The following PAK2 variants were observed in gnomAD, a reference collection of about 807,000 sequenced individuals.
The protein encoded by PAK2 is p21 (RAC1) activated kinase 2.
PAK2 carries 21 observed loss-of-function variants against 65.9 expected under a neutral mutation model. That is an observed-to-expected ratio of 0.32 (90% confidence interval 0.23 to 0.46). The LOEUF is 0.46. Ranked by LOEUF, PAK2 falls within the 20% of genes least tolerant of loss-of-function variation. PAK2 has a pLI of 1.00. For synonymous variants in PAK2, 204 were observed against 219.7 expected, an observed-to-expected ratio of 0.93 and a Z score of 0.63; for missense variants, 324 against 642.6, an observed-to-expected ratio of 0.50 and a Z score of 5.36.
At chr3:196,813,680 G>A (rs920705337) in intron 10 of PAK2, among the ~76,000 whole-genome samples, 8 of 151,892 alleles carry the variant, frequency 5.3e-5, no homozygotes, top group East Asian at 1.9e-4. Flanking sequence ...GGCTAGGCAC[G>A]GTAGCTCACG....
intron 1 of PAK2, among the ~76,000 whole-genome samples, chr3:196,744,991 TAGA>T (rs1713326077): frequency 1.3e-5 from 2 of 152,154 alleles, no homozygotes; most frequent in Non-Finnish European, 2.9e-5. Flanking sequence ...TATTGAGTTG[TAGA>T]AGCTCTTCAC....
intron 1 of PAK2, among the ~76,000 whole-genome samples, chr3:196,770,497 C>T (rs1375544498): frequency 6.6e-6 from 1 of 151,848 alleles, no homozygotes; most frequent in Non-Finnish European, 1.5e-5. Context: ...TGAGTAGCCA[C>T]TGTGCTCCAG....
chr3:196,740,719 A>G (rs1713162234), intron 1 of PAK2, among the ~76,000 whole-genome samples: 1 of 152,124 alleles, frequency 6.6e-6, no homozygotes. Context: ...CTTGAGGGCC[A>G]CCGCTTACGA....
intron 8 of PAK2, 92 bp downstream of exon 8, chr3:196,810,745 T>C (rs1715750907): frequency 1.4e-6 from 1 of 737,816 alleles, no homozygotes. Flanking sequence ...CGACATCAAG[T>C]ACTTATATAG....
At chr3:196,821,928 G>A (rs1288213311) in intron 13 of PAK2, among the ~76,000 whole-genome samples, 3 of 152,202 alleles carry the variant, frequency 2.0e-5, no homozygotes, top group Admixed American at 1.3e-4. Context: ...CTGGTGAACA[G>A]TGGAATATTA....
At chr3:196,743,688 ATTCTTTAGTAGAG>A (rs1370870514) in intron 1 of PAK2, among the ~76,000 whole-genome samples, 1 of 152,082 alleles carries the variant, frequency 6.6e-6, no homozygotes, top group African/African-American at 2.4e-5. Context: ...ATTCTCTACT[ATTCTTTAGTAGAG>A]AATTTAGTAT....
At chr3:196,767,462 A>G (rs1348676892) in intron 1 of PAK2, among the ~76,000 whole-genome samples, 1 of 152,104 alleles carries the variant, frequency 6.6e-6, no homozygotes, top group Non-Finnish European at 1.5e-5. Context: ...AAGGCGAGCA[A>G]TTTATAATGA....
At chr3:196,777,856 T>G (rs1050094109) in intron 1 of PAK2, among the ~76,000 whole-genome samples, 2 of 152,252 alleles carry the variant, frequency 1.3e-5, no homozygotes, top group Non-Finnish European at 1.5e-5. Context: ...CTTTGTTAGC[T>G]CATTTAATCT....
intron 1 of PAK2, among the ~76,000 whole-genome samples, chr3:196,758,049 C>T (rs1577700687): frequency 6.6e-6 from 1 of 152,220 alleles, no homozygotes; most frequent in African/African-American, 2.4e-5. Flanking sequence ...AATTCTGATG[C>T]TGTCACAGAT....
At chr3:196,789,680 G>A (rs896677570) in intron 2 of PAK2, among the ~76,000 whole-genome samples, 1 of 152,080 alleles carries the variant, frequency 6.6e-6, no homozygotes, top group African/African-American at 2.4e-5. Flanking sequence ...GACCAGGCTG[G>A]TCTCGAACTC....
At chr3:196,817,987 A>G in intron 11 of PAK2, 70 bp from the exon 12 acceptor site, 3 of 687,990 alleles carry the variant, frequency 4.4e-6, no homozygotes, top group Non-Finnish European at 8.1e-6. Flanking sequence ...CTCAGGCCAT[A>G]GCTACTGCAT....
At chr3:196,821,386 G>T (rs555040519) in intron 13 of PAK2, among the ~76,000 whole-genome samples, 6 of 151,906 alleles carry the variant, frequency 3.9e-5, no homozygotes, top group Admixed American at 3.9e-4. Context: ...TACTAGAATG[G>T]CTGTACTCAA....
intron 4 of PAK2, among the ~76,000 whole-genome samples, chr3:196,804,833 A>G (rs901245891): frequency 0.033 from 2,686 of 82,470 alleles, 82 homozygotes; most frequent in African/African-American, 0.11. Flanking sequence ...ATACACATAT[A>G]TATATATATA....
rs374941725 is a variant in PAK2 at position 196,784,769 on chromosome 3, A to G, written c.187+1936A>G. On this transcript the variant is annotated intron_variant, in intron 2 of 14. Coordinates refer to ENST00000327134, the MANE Select transcript of PAK2 (RefSeq NM_002577.4). ...TAATGGGATGGCTGGGTCAAATGGTATTGCTAGTTCTAGATCCCTGAGGAA... is the reference window on the plus strand; with the variant it reads ...TAATGGGATGGCTGGGTCAAATGGTGTTGCTAGTTCTAGATCCCTGAGGAA... Among the ~76,000 whole-genome samples the G allele has an allele frequency of 5.6e-4, 85 of 151,480 alleles. No homozygotes were observed. The East Asian group carries it at 0.015, about 26-fold the overall frequency.
chr3:196,744,656 C>T (rs999071435), intron 1 of PAK2, among the ~76,000 whole-genome samples: 5 of 152,030 alleles, frequency 3.3e-5, no homozygotes, highest in Non-Finnish European at 5.9e-5. Context: ...TTTTGTGTGT[C>T]GGATACTTTT....
At chr3:196,776,085 G>C (rs1318847816) in intron 1 of PAK2, among the ~76,000 whole-genome samples, 2 of 152,166 alleles carry the variant, frequency 1.3e-5, no homozygotes, top group African/African-American at 4.8e-5. Context: ...TACCGTGGGG[G>C]AGTCTGATGT....
At chr3:196,775,550 T>G (rs1714510374) in intron 1 of PAK2, among the ~76,000 whole-genome samples, 1 of 151,886 alleles carries the variant, frequency 6.6e-6, no homozygotes, top group Non-Finnish European at 1.5e-5. Context: ...AACCGGCTAA[T>G]TTTTGTATTT....
chr3:196,742,213 T>C (rs1433082230), intron 1 of PAK2, among the ~76,000 whole-genome samples: 5 of 151,604 alleles, frequency 3.3e-5, no homozygotes, highest in African/African-American at 4.8e-5. Flanking sequence ...CTCAGCCTGC[T>C]GAGTAGCTGG....
intron 1 of PAK2, among the ~76,000 whole-genome samples, chr3:196,773,662 G>T (rs1349930761): frequency 6.6e-6 from 1 of 152,050 alleles, no homozygotes; most frequent in Non-Finnish European, 1.5e-5. Flanking sequence ...GATCACCTGA[G>T]GTTAGGAGTT....
Sources: gnomAD v4.1 joint callset for allele counts (sites outside exome capture counted in the v4.1 genomes callset) on GRCh38, gnomAD v4.1.1 for gene constraint, MANE v1.5 for transcripts, NCBI Gene and HGNC (gene_info 2026-07-23, HGNC 2026-07-21) for gene names.